PTPRD: variants seen among roughly 807,000 people sequenced by gnomAD.
PTPRD encodes receptor-type tyrosine-protein phosphatase delta.
Under a neutral mutation model 214.5 loss-of-function variants are expected in PTPRD, and 34 were observed. The ratio of observed to expected loss-of-function variants is 0.16; its 90% CI spans 0.12 to 0.21. The LOEUF (loss-of-function observed/expected upper bound fraction) is 0.21. Ranked by LOEUF, PTPRD falls within the 10% of genes least tolerant of loss-of-function variation. PTPRD has a pLI of 1.00. For synonymous variants in PTPRD, 1,128 were observed against 845.7 expected, an observed-to-expected ratio of 1.33 and a Z score of -5.79; for missense variants, 2,545 against 2,398.7, an observed-to-expected ratio of 1.06 and a Z score of -1.27.
At chr9:9,956,936 C>G (rs970996366) in intron 4 of PTPRD, among the ~76,000 whole-genome samples, 3 of 152,032 alleles carry the variant, frequency 2.0e-5, no homozygotes, top group Non-Finnish European at 1.5e-5. Context: ...GTTATAACTG[C>G]CCATAGGTGG....
intron 11 of PTPRD, among the ~76,000 whole-genome samples, chr9:8,971,335 TA>T (rs1397133259): frequency 1.3e-5 from 2 of 151,386 alleles, no homozygotes; most frequent in African/African-American, 2.4e-5. Flanking sequence ...AATGAGAAAT[TA>T]AAAAAAACCC....
intron 10 of PTPRD, among the ~76,000 whole-genome samples, chr9:9,151,998 G>T (rs922997071): frequency 6.6e-6 from 1 of 152,206 alleles, no homozygotes; most frequent in South Asian, 2.1e-4. Context: ...CTTATAAATA[G>T]TTAGATGAGT....
At chr9:9,292,158 T>C (rs538702978) in intron 9 of PTPRD, among the ~76,000 whole-genome samples, 2 of 145,658 alleles carry the variant, frequency 1.4e-5, no homozygotes, top group African/African-American at 5.1e-5. Flanking sequence ...TCATTCTCCT[T>C]AGATACTCTG....
intron 9 of PTPRD, among the ~76,000 whole-genome samples, chr9:9,250,133 C>T (rs1042857424): frequency 2.6e-5 from 4 of 152,060 alleles, no homozygotes; most frequent in African/African-American, 9.7e-5. Context: ...CGCATACATA[C>T]ATTCTTTAAT....
At chr9:9,212,828 T>C (rs1276931546) in intron 9 of PTPRD, among the ~76,000 whole-genome samples, 3 of 152,114 alleles carry the variant, frequency 2.0e-5, no homozygotes, top group African/African-American at 2.4e-5. Context: ...TATTTTGCAA[T>C]GTGTGAGGTG....
intron 2 of PTPRD, among the ~76,000 whole-genome samples, chr9:10,370,280 T>G (rs1414123563): frequency 6.6e-6 from 1 of 152,088 alleles, no homozygotes; most frequent in Non-Finnish European, 1.5e-5. Flanking sequence ...TGAAAGGAAG[T>G]ATTAGAACGC....
At chr9:9,369,515 T>G (rs183100282) in intron 9 of PTPRD, among the ~76,000 whole-genome samples, 217 of 152,248 alleles carry the variant, frequency 1.4e-3, no homozygotes, top group African/African-American at 5.0e-3. Flanking sequence ...TATTAGCCTT[T>G]TGTCAGATGG....
chr9:9,607,259 G>A (rs1338174819), intron 7 of PTPRD, among the ~76,000 whole-genome samples: 1 of 152,064 alleles, frequency 6.6e-6, no homozygotes, highest in Non-Finnish European at 1.5e-5. Context: ...TGGAGTCTAT[G>A]GGGATTACTG....
chr9:8,636,905 C>T (rs914144557), intron 12 of PTPRD, 61 bp from the exon 13 acceptor site: 1 of 1,543,396 alleles, frequency 6.5e-7, no homozygotes, highest in East Asian at 2.3e-5. Flanking sequence ...TATTATCCTA[C>T]TACCGCTGCT....
At chr9:8,640,225 C>T (rs529119272) in intron 12 of PTPRD, among the ~76,000 whole-genome samples, 18 of 152,212 alleles carry the variant, frequency 1.2e-4, no homozygotes, top group East Asian at 1.9e-4. Flanking sequence ...CATCACGACA[C>T]GCAGAGAAGT....
rs569442218 is a variant in PTPRD at position 10,180,925 on chromosome 9, TA to T, written c.-544-147136del. On this transcript the variant is annotated intron_variant, in intron 3 of 45. Transcript: ENST00000381196. ...TTAGAATTAAATTTCCATAACCCTATAAAAATACCCTAAAAATCCAAGTAAA... is the reference window on the plus strand; with the variant it reads ...TTAGAATTAAATTTCCATAACCCTATAAAATACCCTAAAAATCCAAGTAAA... Among the ~76,000 whole-genome samples the T allele has an allele frequency of 5.6e-3, 853 of 151,998 alleles. 4 individuals carry two copies. The highest frequency in any genetic ancestry group is 0.019 in the African/African-American group (805 of 41,532).
At chr9:9,371,113 T>C (rs2059371667) in intron 9 of PTPRD, among the ~76,000 whole-genome samples, 1 of 152,178 alleles carries the variant, frequency 6.6e-6, no homozygotes. Context: ...GGTATCAGGA[T>C]GATGCTGGCT....
intron 33 of PTPRD, chr9:8,460,129 G>A: frequency 5.3e-6 from 2 of 378,948 alleles, no homozygotes; most frequent in Non-Finnish European, 9.7e-6. Context: ...TGCCTCAATT[G>A]TTATGAAAAG....
At chr9:10,185,878 C>T (rs1445758289) in intron 3 of PTPRD, among the ~76,000 whole-genome samples, 1 of 151,942 alleles carries the variant, frequency 6.6e-6, no homozygotes, top group African/African-American at 2.4e-5. Context: ...ATGTCTATTT[C>T]TTGTGGAGAG....
intron 28 of PTPRD, chr9:8,485,527 C>G: frequency 1.6e-6 from 1 of 622,498 alleles, no homozygotes; most frequent in Non-Finnish European, 2.8e-6. Context: ...TCAGCCAACT[C>G]TATTGTGTTT....
At chr9:9,931,767 G>C (rs1357180298) in intron 5 of PTPRD, among the ~76,000 whole-genome samples, 2 of 151,794 alleles carry the variant, frequency 1.3e-5, no homozygotes, top group Non-Finnish European at 2.9e-5. Context: ...CTCCACCTCT[G>C]GGGGCAGGGC....
chr9:8,800,813 G>A (rs58217061), intron 11 of PTPRD, among the ~76,000 whole-genome samples: 17,593 of 152,148 alleles, frequency 0.12, 1,221 homozygotes, highest in East Asian at 0.35. Context: ...CTCTCATGGG[G>A]TCTGGATTGG....
At chr9:9,711,346 A>G (rs1217487670) in intron 7 of PTPRD, among the ~76,000 whole-genome samples, 16 of 152,132 alleles carry the variant, frequency 1.1e-4, no homozygotes, top group Admixed American at 2.6e-4. Context: ...AGTTTCCAAG[A>G]ATCTACCAAC....
chr9:8,700,478 G>A (rs983693241), intron 12 of PTPRD: 3 of 152,196 alleles, frequency 2.0e-5, no homozygotes, highest in Non-Finnish European at 4.4e-5. Flanking sequence ...GCACACTGGA[G>A]GTCAGCTGTT....
Sources: allele counts gnomAD v4.1 joint callset (sites outside exome capture counted in the v4.1 genomes callset), GRCh38; gene constraint gnomAD v4.1.1; transcripts MANE v1.5; gene names NCBI Gene and HGNC (gene_info 2026-07-23, HGNC 2026-07-21).